DLG1: variants seen among roughly 807,000 people sequenced by gnomAD.
DLG1 encodes disks large homolog 1.
In DLG1, 42 loss-of-function variants were observed where a neutral mutation model predicts 123.4. The observed-to-expected ratio is 0.34, with a 90% CI of 0.27 to 0.44. The LOEUF (loss-of-function observed/expected upper bound fraction) is 0.44, where lower values mean the gene tolerates loss of function less well. Among genes scored for constraint, DLG1 ranks in the 20% least tolerant of loss-of-function variants. DLG1 has a pLI of 1.00. For synonymous variants in DLG1, 317 were observed against 356.2 expected (o/e 0.89, Z 1.24); for missense variants, 942 against 1,082.6 (o/e 0.87, Z 1.82).
intron 5 of DLG1, among the ~76,000 whole-genome samples, chr3:197,153,433 C>CTA (rs1445232931): frequency 5.3e-5 from 8 of 152,214 alleles, no homozygotes; most frequent in Non-Finnish European, 1.2e-4. Flanking sequence ...TCCCCACACT[C>CTA]TATCCCTCAG....
intron 4 of DLG1, among the ~76,000 whole-genome samples, chr3:197,220,957 C>A (rs2150503118): frequency 6.6e-6 from 1 of 152,242 alleles, no homozygotes. Context: ...TTATTCTAAT[C>A]CAATTCTAAC....
At chr3:197,176,449 T>C (rs2150080814) in intron 5 of DLG1, among the ~76,000 whole-genome samples, 1 of 152,266 alleles carries the variant, frequency 6.6e-6, no homozygotes, top group Admixed American at 6.5e-5. Flanking sequence ...CTAAAAATCC[T>C]CTGTGCTCTA....
In DLG1 at chr3:197,071,234, G is replaced by GA. The variant is rs57678727; in HGVS notation, c.2006-1975dup. Among the ~76,000 whole-genome samples, 748 of 152,264 alleles carry GA rather than the reference G, an allele frequency of 4.9e-3. 3 individuals carry two copies. The highest frequency in any genetic ancestry group is 0.017 in the African/African-American group (712 of 41,566). On this transcript the variant is annotated intron_variant, in intron 18 of 24. Coordinates refer to ENST00000667157, the MANE Select transcript of DLG1 (RefSeq NM_001366207.1). ...TTATTGCAATGGGGTGAAGGGAGGG[G>GA]AGTGTAAGTGGGAGTACAGAAGAAA...
At chr3:197,290,129 G>A (rs1263519995) in intron 3 of DLG1, among the ~76,000 whole-genome samples, 1 of 151,842 alleles carries the variant, frequency 6.6e-6, no homozygotes, top group East Asian at 1.9e-4. Flanking sequence ...GAGCACAAAT[G>A]TCATTAAGGA....
intron 4 of DLG1, among the ~76,000 whole-genome samples, chr3:197,210,636 T>C (rs1214593760): frequency 7.0e-6 from 1 of 142,846 alleles, no homozygotes; most frequent in Non-Finnish European, 1.6e-5. Flanking sequence ...TATATATATA[T>C]ATAAGTCTTT....
At chr3:197,151,585 G>C (rs970524070) in intron 5 of DLG1, among the ~76,000 whole-genome samples, 3 of 152,126 alleles carry the variant, frequency 2.0e-5, no homozygotes, top group Non-Finnish European at 4.4e-5. Context: ...CTGGTGATGG[G>C]TATACATAGA....
chr3:197,283,861 T>G (rs979576217), intron 3 of DLG1, among the ~76,000 whole-genome samples: 16 of 31,064 alleles, frequency 5.2e-4, no homozygotes, highest in Non-Finnish European at 1.0e-3. Context: ...GTTGGGTTGT[T>G]TTTTTTTTTT....
chr3:197,061,380 C>T (rs935782153), intron 22 of DLG1, among the ~76,000 whole-genome samples: 1 of 152,160 alleles, frequency 6.6e-6, no homozygotes, highest in Non-Finnish European at 1.5e-5. Context: ...TGAGAATAAA[C>T]TGCATAATGC....
At chr3:197,107,312 A>G (rs1448671656) in intron 13 of DLG1, among the ~76,000 whole-genome samples, 1 of 152,230 alleles carries the variant, frequency 6.6e-6, no homozygotes, top group East Asian at 1.9e-4. Context: ...TGGGAGGCCA[A>G]GGCAGGCAGA....
Position 197,201,378 on chromosome 3 carries a change from C to T in DLG1, c.319-6789G>A, listed in dbSNP as rs189433284. Among the ~76,000 whole-genome samples the T allele has an allele frequency of 3.9e-5, 6 of 152,164 alleles. No individual in the cohort carries two copies. In the East Asian group the frequency reaches 5.8e-4, roughly 15 times the overall value. ...CAGCCTGGGCGACAGAGTGAGACTC[C>T]GTCTCAAAAAACAAACAAACAAAAA... On this transcript the variant is annotated intron_variant, in intron 4 of 24. Coordinates refer to ENST00000667157, the MANE Select transcript of DLG1 (RefSeq NM_001366207.1).
chr3:197,164,839 T>C (rs938728685), intron 5 of DLG1, among the ~76,000 whole-genome samples: 3 of 151,754 alleles, frequency 2.0e-5, no homozygotes, highest in African/African-American at 7.3e-5. Context: ...GGAGAACTGC[T>C]TGAACCCAGC....
intron 14 of DLG1, among the ~76,000 whole-genome samples, chr3:197,102,646 C>T (rs552691496): frequency 3.5e-4 from 53 of 152,226 alleles, no homozygotes; most frequent in Middle Eastern, 3.4e-3. Flanking sequence ...TTTGGGAGGC[C>T]GAGGCAGGCA....
intron 14 of DLG1, among the ~76,000 whole-genome samples, chr3:197,096,062 G>C (rs1056827833): frequency 1.3e-5 from 2 of 152,180 alleles, no homozygotes; most frequent in Non-Finnish European, 2.9e-5. Flanking sequence ...CTGGATGCTA[G>C]GTGCTCACTG....
intron 4 of DLG1, among the ~76,000 whole-genome samples, chr3:197,231,403 T>C (rs1297327433): frequency 6.6e-6 from 1 of 152,190 alleles, no homozygotes; most frequent in East Asian, 1.9e-4. Context: ...TACATTTTGT[T>C]GTAAGAATAC....
At chr3:197,121,402 G>C (rs1020033392) in intron 11 of DLG1, among the ~76,000 whole-genome samples, 8 of 152,054 alleles carry the variant, frequency 5.3e-5, no homozygotes, top group African/African-American at 1.9e-4. Context: ...TTATAGAAAA[G>C]CAAGTAGAAG....
At chr3:197,270,856 A>C (rs1763633860) in intron 4 of DLG1, among the ~76,000 whole-genome samples, 1 of 152,226 alleles carries the variant, frequency 6.6e-6, no homozygotes, top group Non-Finnish European at 1.5e-5. Context: ...AGTCTCATCA[A>C]CCTTTACACC....
At chr3:197,183,783 G>C (rs1198673175) in intron 5 of DLG1, 2 of 1,550,314 alleles carry the variant, frequency 1.3e-6, no homozygotes, top group Non-Finnish European at 1.7e-6. Context: ...GTATAGAAGT[G>C]TGTTGTTTCC....
At chr3:197,176,122 A>C (rs1439320012) in intron 5 of DLG1, among the ~76,000 whole-genome samples, 2 of 152,166 alleles carry the variant, frequency 1.3e-5, no homozygotes, top group Admixed American at 6.6e-5. Flanking sequence ...TTATATCATA[A>C]ATTTCAAATG....
intron 4 of DLG1, among the ~76,000 whole-genome samples, chr3:197,249,372 G>A (rs931301960): frequency 6.6e-6 from 1 of 151,898 alleles, no homozygotes; most frequent in Non-Finnish European, 1.5e-5. Flanking sequence ...TCAATAAGCT[G>A]ATAACAAGTA....
Sources: gnomAD v4.1 joint callset for allele counts (sites outside exome capture counted in the v4.1 genomes callset) on GRCh38, gnomAD v4.1.1 for gene constraint, MANE v1.5 for transcripts, NCBI Gene and HGNC (gene_info 2026-07-23, HGNC 2026-07-21) for gene names.